The following ADAMTS12 variants were observed in gnomAD, a reference collection of about 807,000 sequenced individuals.
ADAMTS12 encodes ADAM metallopeptidase with thrombospondin type 1 motif 12, also known as A disintegrin and metalloproteinase with thrombospondin motifs 12.
Under a neutral mutation model 167.8 loss-of-function variants are expected in ADAMTS12, and 118 were observed. The observed-to-expected ratio is 0.70, with a 90% CI of 0.61 to 0.82. The LOEUF (loss-of-function observed/expected upper bound fraction) is 0.82. Among genes scored for constraint, ADAMTS12 ranks in the 40% least tolerant of loss-of-function variants. The pLI, the probability that ADAMTS12 is intolerant of heterozygous loss-of-function variation, is 0.00. For missense variants in ADAMTS12, 1,916 were observed against 1,998.8 expected (o/e 0.96, Z 0.79); for synonymous variants, 704 against 716.9 (o/e 0.98, Z 0.29).
At chr5:33,755,360 G>A (rs1745131236) in intron 2 of ADAMTS12, among the ~76,000 whole-genome samples, 1 of 152,212 alleles carries the variant, frequency 6.6e-6, no homozygotes, top group African/African-American at 2.4e-5. Context: ...ATGCATTGGT[G>A]TGAGCCAGCT....
intron 2 of ADAMTS12, among the ~76,000 whole-genome samples, chr5:33,783,602 T>C (rs901069035): frequency 1.4e-4 from 22 of 152,058 alleles, no homozygotes; most frequent in Admixed American, 7.2e-4. Flanking sequence ...GCTGTAATTC[T>C]GTGCCAACAA....
chr5:33,856,770 G>A (rs775748755), intron 2 of ADAMTS12, among the ~76,000 whole-genome samples: 19 of 152,292 alleles, frequency 1.2e-4, no homozygotes, highest in Non-Finnish European at 2.4e-4. Flanking sequence ...GCCATGATGC[G>A]AAGAAAAGAA....
chr5:33,691,947 C>T (rs1474100959), intron 3 of ADAMTS12, among the ~76,000 whole-genome samples: 7 of 152,196 alleles, frequency 4.6e-5, no homozygotes, highest in African/African-American at 1.4e-4. Context: ...AAGGTAAGCC[C>T]CCTCTCAGTG....
chr5:33,683,215 A>T (rs1742195888), intron 4 of ADAMTS12, 114 bp from the exon 5 acceptor site: 1 of 777,022 alleles, frequency 1.3e-6, no homozygotes, highest in East Asian at 2.8e-5. Flanking sequence ...ATAGGTCAGA[A>T]ATGTTTGGCG....
intron 2 of ADAMTS12, among the ~76,000 whole-genome samples, chr5:33,796,119 C>G (rs1746766096): frequency 6.6e-6 from 1 of 152,228 alleles, no homozygotes; most frequent in Non-Finnish European, 1.5e-5. Context: ...TAGATCATGG[C>G]ACATACGTAC....
At chr5:33,806,864 T>C (rs1747256842) in intron 2 of ADAMTS12, among the ~76,000 whole-genome samples, 1 of 152,180 alleles carries the variant, frequency 6.6e-6, no homozygotes, top group South Asian at 2.1e-4. Context: ...GCTGCCATCA[T>C]CCCCGTGCAG....
chr5:33,879,943 C>A (rs113136977), intron 2 of ADAMTS12, among the ~76,000 whole-genome samples: 3 of 152,304 alleles, frequency 2.0e-5, no homozygotes, highest in South Asian at 4.1e-4. Context: ...GCTTAGCAAA[C>A]CAGCCCTGGC....
At chr5:33,851,168 T>C (rs2111648610) in intron 2 of ADAMTS12, among the ~76,000 whole-genome samples, 1 of 152,244 alleles carries the variant, frequency 6.6e-6, no homozygotes, top group South Asian at 2.1e-4. Context: ...ATCCCAGCAC[T>C]TTGGGAGGCC....
At chr5:33,750,875 G>T (rs1250821599) in intron 3 of ADAMTS12, among the ~76,000 whole-genome samples, 1 of 152,074 alleles carries the variant, frequency 6.6e-6, no homozygotes, top group African/African-American at 2.4e-5. Context: ...GCCAAAAGAG[G>T]CTTTACTGAA....
chr5:33,797,552 G>A (rs554375339), intron 2 of ADAMTS12, among the ~76,000 whole-genome samples: 2 of 152,108 alleles, frequency 1.3e-5, no homozygotes, highest in East Asian at 1.9e-4. Context: ...AAGCCAAAGT[G>A]AGCTGGCTTT....
In ADAMTS12 at chr5:33,882,742, C is replaced by T. The variant is rs139286909; in HGVS notation, c.128-1262G>A. Among the ~76,000 whole-genome samples the T allele has an allele frequency of 0.011, 1,626 of 152,196 alleles. 29 individuals are homozygous for T. The Middle Eastern group carries it at 0.11, about 10-fold the overall frequency. The stretch of plus-strand genomic sequence containing the variant: ...AAGTAGCTGGGATTACAGGTGTGCA[C>T]CACCATGCCCGGCTAATTTTGTATT... On this transcript the variant is annotated intron_variant, in intron 1 of 23. Transcript: ENST00000504830.
At chr5:33,776,882 AGACTACT>A (rs1191945020) in intron 2 of ADAMTS12, among the ~76,000 whole-genome samples, 4 of 152,294 alleles carry the variant, frequency 2.6e-5, no homozygotes, top group African/African-American at 9.6e-5. Context: ...GGGTCATAAC[AGACTACT>A]ATAAACAATT....
intron 2 of ADAMTS12, among the ~76,000 whole-genome samples, chr5:33,833,002 T>G (rs1365478456): frequency 6.6e-6 from 1 of 152,176 alleles, no homozygotes; most frequent in Non-Finnish European, 1.5e-5. Flanking sequence ...CAGGGAAGCT[T>G]TTGTTTCTCT....
At chr5:33,623,801 G>T (rs550659289) in intron 14 of ADAMTS12, among the ~76,000 whole-genome samples, 1 of 152,188 alleles carries the variant, frequency 6.6e-6, no homozygotes, top group Non-Finnish European at 1.5e-5. Context: ...GCTGGCTTCT[G>T]TCCTCACTAC....
At chr5:33,867,917 G>A (rs1206821678) in intron 2 of ADAMTS12, among the ~76,000 whole-genome samples, 2 of 152,126 alleles carry the variant, frequency 1.3e-5, no homozygotes, top group Non-Finnish European at 2.9e-5. Context: ...TTTGGATCAT[G>A]GGGAAAAATT....
At chr5:33,729,714 CT>C (rs1291370996) in intron 3 of ADAMTS12, among the ~76,000 whole-genome samples, 4 of 152,302 alleles carry the variant, frequency 2.6e-5, no homozygotes, top group African/African-American at 9.6e-5. Context: ...CACCCGATGC[CT>C]CTGGGATGCT....
chr5:33,605,064 C>T (rs1315990196), intron 16 of ADAMTS12, among the ~76,000 whole-genome samples: 1 of 152,158 alleles, frequency 6.6e-6, no homozygotes, highest in Non-Finnish European at 1.5e-5. Flanking sequence ...CTTCTTCAGA[C>T]CTGTTTCTTG....
chr5:33,654,029 A>G (rs529860233), intron 7 of ADAMTS12, among the ~76,000 whole-genome samples: 10 of 152,108 alleles, frequency 6.6e-5, no homozygotes, highest in African/African-American at 1.7e-4. Flanking sequence ...CAGATTACAT[A>G]ATTTCTATTG....
At chr5:33,633,606 G>A (rs1423298679) in intron 12 of ADAMTS12, among the ~76,000 whole-genome samples, 1 of 152,060 alleles carries the variant, frequency 6.6e-6, no homozygotes, top group East Asian at 1.9e-4. Context: ...GGCTGAGCCT[G>A]AAGTCCTCCT....
Sources: allele counts gnomAD v4.1 joint callset (sites outside exome capture counted in the v4.1 genomes callset), GRCh38; gene constraint gnomAD v4.1.1; transcripts MANE v1.5; gene names NCBI Gene and HGNC (gene_info 2026-07-23, HGNC 2026-07-21).